NEK7: variants seen among roughly 807,000 people sequenced by gnomAD.
The protein encoded by NEK7 is serine/threonine-protein kinase Nek7.
NEK7 carries 18 observed loss-of-function variants against 44.6 expected under a neutral mutation model. The ratio of observed to expected loss-of-function variants is 0.40; its 90% CI spans 0.28 to 0.60. The LOEUF (loss-of-function observed/expected upper bound fraction) is 0.60. Ranked by LOEUF, NEK7 falls within the 20% of genes least tolerant of loss-of-function variation. The probability of loss-of-function intolerance (pLI) is 0.38; values close to 1 mark genes in which losing one functional copy is unlikely to be tolerated. For synonymous variants in NEK7, 130 were observed against 121.1 expected (o/e 1.07, Z -0.48); for missense variants, 256 against 366.5 (o/e 0.70, Z 2.46).
At chr1:198,242,965 A>G (rs1213548148) in intron 2 of NEK7, among the ~76,000 whole-genome samples, 3 of 151,594 alleles carry the variant, frequency 2.0e-5, no homozygotes, top group Admixed American at 1.3e-4. Flanking sequence ...CCACCTCGCC[A>G]GAGTGCTCAG....
At chr1:198,240,090 C>T (rs1049568522) in intron 2 of NEK7, among the ~76,000 whole-genome samples, 2 of 152,072 alleles carry the variant, frequency 1.3e-5, no homozygotes, top group Admixed American at 6.5e-5. Flanking sequence ...CATTAGATGG[C>T]GCATGACTGT....
At chr1:198,182,271 A>C (rs1664789854) in intron 1 of NEK7, among the ~76,000 whole-genome samples, 1 of 152,144 alleles carries the variant, frequency 6.6e-6, no homozygotes, top group African/African-American at 2.4e-5. Flanking sequence ...TAATGTTTTC[A>C]CCATTCTTAA....
intron 9 of NEK7, among the ~76,000 whole-genome samples, chr1:198,311,574 T>C (rs1275763459): frequency 6.6e-6 from 1 of 151,878 alleles, no homozygotes; most frequent in Non-Finnish European, 1.5e-5. Flanking sequence ...GGCTGTGGGT[T>C]TGTCATAGAT....
chr1:198,307,248 A>G (rs1443752127), intron 9 of NEK7, among the ~76,000 whole-genome samples: 1 of 152,180 alleles, frequency 6.6e-6, no homozygotes, highest in East Asian at 1.9e-4. Context: ...AAATTATGGT[A>G]TAAATATCTC....
intron 3 of NEK7, 30 bp downstream of exon 3, chr1:198,253,210 G>A: frequency 1.4e-6 from 2 of 1,439,354 alleles, no homozygotes; most frequent in Non-Finnish European, 1.9e-6. Flanking sequence ...ATAAATCAAT[G>A]TAAAATTATA....
intron 5 of NEK7, among the ~76,000 whole-genome samples, chr1:198,275,463 T>C (rs1023576818): frequency 6.6e-6 from 1 of 151,218 alleles, no homozygotes; most frequent in Non-Finnish European, 1.5e-5. Flanking sequence ...ATAACAAATA[T>C]ATGTACATTT....
intron 2 of NEK7, among the ~76,000 whole-genome samples, chr1:198,240,325 A>G (rs1368097904): frequency 2.0e-5 from 3 of 152,294 alleles, no homozygotes; most frequent in Non-Finnish European, 4.4e-5. Context: ...ATGATTTTTG[A>G]AAAGAATGAG....
In NEK7 at chr1:198,204,411, A is replaced by G. The variant is rs543252337; in HGVS notation, c.-28-28142A>G. Among the ~76,000 whole-genome samples the G allele has an allele frequency of 2.6e-5, 4 of 152,214 alleles. No individual in the cohort carries two copies. The South Asian group carries it at 8.3e-4, about 32-fold the overall frequency. On this transcript the variant is annotated intron_variant, in intron 1 of 9. Coordinates refer to ENST00000367385, the MANE Select transcript of NEK7 (RefSeq NM_133494.3). ...TTAAAGTTTAATGGGTTAGATCTGT[A>G]TTTGTTATTTTAAAAATGAAACTCA...
chr1:198,192,572 ACTT>A (rs1665111823), intron 1 of NEK7, among the ~76,000 whole-genome samples: 1 of 152,066 alleles, frequency 6.6e-6, no homozygotes. Flanking sequence ...GATGTGTAGT[ACTT>A]CTCAGCAAAT....
intron 1 of NEK7, among the ~76,000 whole-genome samples, chr1:198,191,713 A>T (rs1028675234): frequency 6.6e-6 from 1 of 152,066 alleles, no homozygotes; most frequent in African/African-American, 2.4e-5. Context: ...GTTGTGAAGA[A>T]ATACTTGTCT....
rs1655530338 is a variant in NEK7, at chr1:198,321,375, T to C, written c.*1853T>C. The C allele has an allele frequency of 6.6e-6, 1 of 152,192 alleles. No individual in the cohort carries two copies. The highest frequency in any genetic ancestry group is 1.5e-5 in the Non-Finnish European group (1 of 68,016). 9.4% of individuals were successfully genotyped at this position (152,192 alleles called of 1,614,324 possible). ...TTTATACTGAGCATCCATAGATATATTCCTAGAAGTATGAGAAGAATTATT... is the reference window on the plus strand; with the variant it reads ...TTTATACTGAGCATCCATAGATATACTCCTAGAAGTATGAGAAGAATTATT... On this transcript the variant is annotated 3_prime_UTR_variant, in exon 10 of 10. Coordinates refer to ENST00000367385, the MANE Select transcript of NEK7 (RefSeq NM_133494.3).
At chr1:198,294,211 C>A (rs1654645127) in intron 8 of NEK7, among the ~76,000 whole-genome samples, 1 of 151,828 alleles carries the variant, frequency 6.6e-6, no homozygotes, top group South Asian at 2.1e-4. Flanking sequence ...TAAATAAACT[C>A]ATACTTTGGA....
intron 9 of NEK7, 60 bp from the exon 10 acceptor site, chr1:198,319,352 C>A: frequency 8.6e-7 from 1 of 1,157,668 alleles, no homozygotes. Context: ...TTCTTCCTCT[C>A]AGTAAACTAA....
chr1:198,216,182 C>T (rs1034185085), intron 1 of NEK7, among the ~76,000 whole-genome samples: 5 of 151,962 alleles, frequency 3.3e-5, no homozygotes, highest in South Asian at 4.1e-4. Flanking sequence ...TATGATAGGC[C>T]ACAAAATGAG....
intron 9 of NEK7, among the ~76,000 whole-genome samples, chr1:198,304,629 C>T (rs938201455): frequency 6.6e-6 from 1 of 152,100 alleles, no homozygotes; most frequent in African/African-American, 2.4e-5. Context: ...TTGTTATTAC[C>T]TGTACGTGAC....
chr1:198,244,869 A>G (rs1296818257), intron 2 of NEK7, among the ~76,000 whole-genome samples: 1 of 152,118 alleles, frequency 6.6e-6, no homozygotes, highest in Non-Finnish European at 1.5e-5. Context: ...TGTGTCTGGA[A>G]GGAGAAATGT....
In NEK7 at chr1:198,246,809, C is replaced by A. The variant is rs185756203; in HGVS notation, c.58-6231C>A. Among the ~76,000 whole-genome samples the A allele has an allele frequency of 8.3e-4, 126 of 152,276 alleles. 1 individual carries two copies. Among genetic ancestry groups the A allele is most frequent in the Admixed American group, 6.7e-3 (103 of 15,302 alleles). ...GTATCTGAATTGTTTGATAGTGTTCCTAATGATGAAGCTGTATTTTGCTGT... is the reference window on the plus strand; with the variant it reads ...GTATCTGAATTGTTTGATAGTGTTCATAATGATGAAGCTGTATTTTGCTGT... On this transcript the variant is annotated intron_variant, in intron 2 of 9. Coordinates refer to ENST00000367385, the MANE Select transcript of NEK7 (RefSeq NM_133494.3).
intron 2 of NEK7, 76 bp from the exon 3 acceptor site, chr1:198,252,964 A>G (rs944428462): frequency 3.9e-5 from 49 of 1,241,640 alleles, no homozygotes; most frequent in Non-Finnish European, 5.6e-5. Flanking sequence ...ACCTACATAT[A>G]TGAAAATGAT....
chr1:198,212,609 CCT>C (rs1665807302), intron 1 of NEK7, among the ~76,000 whole-genome samples: 1 of 152,188 alleles, frequency 6.6e-6, no homozygotes, highest in Non-Finnish European at 1.5e-5. Context: ...CATGGACTTG[CCT>C]GACCCAGCCC....
Sources: gnomAD v4.1 joint callset for allele counts (sites outside exome capture counted in the v4.1 genomes callset) on GRCh38, gnomAD v4.1.1 for gene constraint, MANE v1.5 for transcripts, NCBI Gene and HGNC (gene_info 2026-07-23, HGNC 2026-07-21) for gene names.